The following FNDC3B variants were observed in gnomAD, a reference collection of about 807,000 sequenced individuals.
The protein encoded by FNDC3B is fibronectin type III domain-containing protein 3B.
Under a neutral mutation model 151.5 loss-of-function variants are expected in FNDC3B, and 12 were observed. The ratio of observed to expected loss-of-function variants is 0.08; its 90% CI spans 0.05 to 0.13. The LOEUF (loss-of-function observed/expected upper bound fraction) is 0.13. Among genes scored for constraint, FNDC3B ranks in the 10% least tolerant of loss-of-function variants. The pLI is 1.00. For missense variants in FNDC3B, 1,214 were observed against 1,505.3 expected (o/e 0.81, Z 3.20); for synonymous variants, 528 against 549.0 (o/e 0.96, Z 0.54).
chr3:172,058,050 C>T (rs369222483), intron 1 of FNDC3B, among the ~76,000 whole-genome samples: 7 of 152,126 alleles, frequency 4.6e-5, no homozygotes, highest in South Asian at 2.1e-4. Flanking sequence ...TATGGATTTA[C>T]GTGCAAGTTA....
At chr3:172,337,098 T>C (rs550738360) in intron 15 of FNDC3B, among the ~76,000 whole-genome samples, 3 of 152,324 alleles carry the variant, frequency 2.0e-5, no homozygotes, top group East Asian at 3.9e-4. Context: ...ATGAATGCTC[T>C]TTGACATTTC....
intron 6 of FNDC3B, among the ~76,000 whole-genome samples, chr3:172,276,784 T>C (rs1334158119): frequency 6.6e-6 from 1 of 152,210 alleles, no homozygotes; most frequent in Non-Finnish European, 1.5e-5. Context: ...TAGTGATATA[T>C]TCTATAAGAA....
chr3:172,173,486 C>T (rs1247355690), intron 3 of FNDC3B, among the ~76,000 whole-genome samples: 1 of 151,858 alleles, frequency 6.6e-6, no homozygotes, highest in East Asian at 1.9e-4. Context: ...GTATGACTCA[C>T]GTTGGAAATG....
Position 172,087,159 on chromosome 3 carries a change from C to T in FNDC3B, c.-28-25293C>T, listed in dbSNP as rs76969913. On this transcript the variant is annotated intron_variant, in intron 1 of 25. Transcript: ENST00000415807. Reference sequence around the variant, plus strand: ...TTCTTTTGTTTAGAAAATAAATATACCTTTTTTGAAAAGAATTGATTTCCT... The same window carrying T: ...TTCTTTTGTTTAGAAAATAAATATATCTTTTTTGAAAAGAATTGATTTCCT... Among the ~76,000 whole-genome samples, 118 of 152,288 alleles carry T rather than the reference C, an allele frequency of 7.7e-4. 1 individual carries two copies. Among genetic ancestry groups the T allele is most frequent in the African/African-American group, 2.7e-3 (112 of 41,538 alleles).
chr3:172,379,925 T>C lies in FNDC3B; in HGVS notation c.3176-1041T>C, dbSNP rs115600110. On this transcript the variant is annotated intron_variant, in intron 24 of 25. Coordinates refer to ENST00000415807, the MANE Select transcript of FNDC3B (RefSeq NM_022763.4). ...TCAGTTTTCCCACTCTGATGCATGA[T>C]CAGGTAGTCTTCCTCTCACTCTTAG... is the stretch of plus-strand genomic sequence containing the variant. 4.8e-3 allele frequency among the ~76,000 whole-genome samples: 724 copies of C among 152,294 alleles called. 6 individuals are homozygous for C. The highest frequency in any genetic ancestry group is 0.016 in the African/African-American group (667 of 41,564).
At chr3:172,337,790 C>T (rs1465846568) in intron 16 of FNDC3B, 1 of 214,152 alleles carries the variant, frequency 4.7e-6, no homozygotes, top group African/African-American at 2.4e-5. Context: ...GCTTAAGTGA[C>T]TCTTCTGCCA....
chr3:172,220,715 T>A (rs942392093), intron 3 of FNDC3B, among the ~76,000 whole-genome samples: 4 of 152,178 alleles, frequency 2.6e-5, no homozygotes, highest in Non-Finnish European at 2.9e-5. Context: ...CCAAGTTCAT[T>A]CTTTTTGTCT....
intron 1 of FNDC3B, among the ~76,000 whole-genome samples, chr3:172,064,303 C>T (rs888601123): frequency 1.3e-5 from 2 of 152,126 alleles, no homozygotes; most frequent in East Asian, 3.9e-4. Context: ...ACCCCGAGAA[C>T]TGTAAGAAAT....
At chr3:172,308,799 T>C (rs1055826774) in intron 10 of FNDC3B, among the ~76,000 whole-genome samples, 15 of 152,252 alleles carry the variant, frequency 9.9e-5, no homozygotes, top group African/African-American at 3.6e-4. Flanking sequence ...CATCATTGTT[T>C]AATTCCTTAG....
chr3:172,382,507 A>G (rs147528715), intron 25 of FNDC3B, among the ~76,000 whole-genome samples: 2 of 152,098 alleles, frequency 1.3e-5, no homozygotes, highest in East Asian at 3.8e-4. Context: ...TTTTGTTGCC[A>G]TTGCTTTTGG....
At chr3:172,343,953 G>A (rs1733473014) in intron 18 of FNDC3B, 133 bp from the exon 19 acceptor site, 1 of 717,254 alleles carries the variant, frequency 1.4e-6, no homozygotes, top group Non-Finnish European at 2.4e-6. Flanking sequence ...TGGTGGGCAT[G>A]GATTCTTTTG....
intron 3 of FNDC3B, among the ~76,000 whole-genome samples, chr3:172,183,906 T>A (rs1724045590): frequency 6.6e-6 from 1 of 152,186 alleles, no homozygotes; most frequent in Non-Finnish European, 1.5e-5. Flanking sequence ...CATAATGATT[T>A]GCATTAATAT....
chr3:172,075,723 A>G (rs1269844564), intron 1 of FNDC3B, among the ~76,000 whole-genome samples: 1 of 88,224 alleles, frequency 1.1e-5, no homozygotes, highest in Non-Finnish European at 2.2e-5. Context: ...GTAGCCCAGT[A>G]AACACACACA....
At position 172,286,083 on chromosome 3, in the gene FNDC3B, T is replaced by C. The variant is rs1039324969; in HGVS notation, c.849+99T>C. The stretch of plus-strand genomic sequence containing the variant: ...CCACACAGTAGGTAAGGAAAAGGGC[T>C]CTTTCCCTTTGCAGATTACTCATCA... On this transcript the variant is annotated intron_variant, in intron 7 of 25. Transcript: ENST00000415807. 7.2e-6 allele frequency: 6 copies of C among 831,340 alleles called. No homozygotes were observed. The Admixed American group carries it at 9.3e-5, about 13-fold the overall frequency. 51.5% of individuals were successfully genotyped at this position (831,340 alleles called of 1,614,324 possible). A position where few individuals can be genotyped will look rare whatever the true frequency, so the allele number is the denominator to read the frequency against.
intron 1 of FNDC3B, among the ~76,000 whole-genome samples, chr3:172,075,170 AACTG>A (rs565916116): frequency 2.8e-3 from 429 of 152,282 alleles, no homozygotes; most frequent in African/African-American, 8.6e-3. Flanking sequence ...TAATTTATAA[AACTG>A]ACTGTCCAAA....
intron 4 of FNDC3B, 62 bp downstream of exon 4, chr3:172,227,009 A>G: frequency 1.8e-6 from 2 of 1,113,354 alleles, no homozygotes; most frequent in Non-Finnish European, 2.8e-6. Context: ...AACAGAATAT[A>G]TGTTGAGGCT....
At chr3:172,209,672 G>A (rs1480899259) in intron 3 of FNDC3B, among the ~76,000 whole-genome samples, 1 of 152,184 alleles carries the variant, frequency 6.6e-6, no homozygotes, top group African/African-American at 2.4e-5. Flanking sequence ...ACCCAGAACT[G>A]GCAGCCTCGA....
chr3:172,258,608 T>C (rs994626098), intron 6 of FNDC3B, among the ~76,000 whole-genome samples: 3 of 152,186 alleles, frequency 2.0e-5, no homozygotes, highest in African/African-American at 7.2e-5. Context: ...TGGATATTTT[T>C]GGGTCCTTGG....
chr3:172,244,296 T>C (rs1009129579), intron 4 of FNDC3B, among the ~76,000 whole-genome samples: 1 of 152,230 alleles, frequency 6.6e-6, no homozygotes, highest in Admixed American at 6.5e-5. Context: ...CTACCAAGAA[T>C]GAAGGCATAT....
Sources: allele counts gnomAD v4.1 joint callset (sites outside exome capture counted in the v4.1 genomes callset), GRCh38; gene constraint gnomAD v4.1.1; transcripts MANE v1.5; gene names NCBI Gene and HGNC (gene_info 2026-07-23, HGNC 2026-07-21).